COL4A2: variants seen among roughly 807,000 people sequenced by gnomAD.
COL4A2 encodes the protein collagen alpha-2(IV) chain.
COL4A2 carries 99 observed loss-of-function variants against 200.2 expected under a neutral mutation model. The observed-to-expected ratio is 0.49, with a 90% CI of 0.42 to 0.58. The LOEUF is 0.58. COL4A2 is among the 20% of genes least tolerant of loss of function. The pLI, the probability that COL4A2 is intolerant of heterozygous loss-of-function variation, is 0.00. For synonymous variants in COL4A2, 897 were observed against 900.6 expected (o/e 1.00, Z 0.07); for missense variants, 1,950 against 2,314.1 (o/e 0.84, Z 3.23).
In COL4A2 at chr13:110,307,415, G is replaced by T. The variant is rs1219393647; in HGVS notation, c.-158G>T. 4.9e-6 allele frequency: 1 copy of T among 205,830 alleles called. No individual in the cohort carries two copies. The highest frequency in any genetic ancestry group is 6.0e-5 in the Admixed American group (1 of 16,686). 12.8% of individuals were successfully genotyped at this position (205,830 alleles called of 1,614,324 possible). On this transcript the variant is annotated 5_prime_UTR_variant, in exon 1 of 48. Coordinates refer to ENST00000360467, the MANE Select transcript of COL4A2 (RefSeq NM_001846.4). This position sits in a 1 kb window ranked among gnomAD's most constrained non-coding sequence, Gnocchi z 5.0. ...ACCGAAAGGGGCCGCCCGAGCCCCC[G>T]GGGCCGGCGCCCAGAGAGCCCAGCA...
intron 41 of COL4A2, among the ~76,000 whole-genome samples, chr13:110,502,167 G>A (rs933508650): frequency 9.2e-5 from 14 of 152,160 alleles, no homozygotes; most frequent in Admixed American, 6.5e-4. Context: ...GAAGTCACCC[G>A]TCAAACAAGT....
chr13:110,449,803 A>G lies in COL4A2; in HGVS notation c.1189+14A>G. ...TCGGAGATGGAGGTAATGTGGCTTC[A>G]TAATATCAACACCGGAGACCCAAAG... On this transcript the variant is annotated intron_variant, in intron 19 of 47. Transcript: ENST00000360467. The G allele has an allele frequency of 6.5e-7, 1 of 1,546,000 alleles. No homozygotes were observed. The highest frequency in any genetic ancestry group is 8.7e-7 in the Non-Finnish European group (1 of 1,146,090).
At chr13:110,460,765 G>A (rs1014629630) in intron 22 of COL4A2, among the ~76,000 whole-genome samples, 2 of 152,172 alleles carry the variant, frequency 1.3e-5, no homozygotes, top group Non-Finnish European at 2.9e-5. Context: ...ATCTGTACTG[G>A]TAGAGTGGCA....
At chr13:110,357,891 G>A (rs896516690) in intron 4 of COL4A2, among the ~76,000 whole-genome samples, 3 of 152,182 alleles carry the variant, frequency 2.0e-5, no homozygotes, top group Non-Finnish European at 4.4e-5. Context: ...TGCGGGACTT[G>A]GAAGTTGCTC....
intron 4 of COL4A2, among the ~76,000 whole-genome samples, chr13:110,422,670 AG>A: frequency 6.6e-6 from 1 of 152,312 alleles, no homozygotes; most frequent in South Asian, 2.1e-4. Context: ...TTGAGGGGAC[AG>A]GGGTCCCAAG....
intron 3 of COL4A2, among the ~76,000 whole-genome samples, chr13:110,336,019 C>T (rs548286490): frequency 6.6e-6 from 1 of 152,372 alleles, no homozygotes; most frequent in African/African-American, 2.4e-5. Context: ...CACTTCATTA[C>T]TTCTAACCCA....
At chr13:110,491,164 G>T in intron 36 of COL4A2, 69 bp from the exon 37 acceptor site, 1 of 1,046,590 alleles carries the variant, frequency 9.6e-7, no homozygotes, top group South Asian at 1.4e-5. Context: ...ACATCCTAGA[G>T]CCGGGGTTCC....
chr13:110,479,718 C>G (rs1158998481), intron 30 of COL4A2, among the ~76,000 whole-genome samples: 1 of 152,150 alleles, frequency 6.6e-6, no homozygotes, highest in Non-Finnish European at 1.5e-5. Flanking sequence ...GGCGGGAGGA[C>G]AGCTGTGGGC....
At position 110,482,503 on chromosome 13, in the gene COL4A2, T is replaced by G. The variant is rs1352692249; in HGVS notation, c.2759-13T>G. On this transcript the variant is annotated splice_polypyrimidine_tract_variant and intron_variant, in intron 31 of 47. Coordinates refer to ENST00000360467, the MANE Select transcript of COL4A2 (RefSeq NM_001846.4). ...TCATGTCTAACCCAGCACTTTTCTC[T>G]TTTCCTCTGAAGGAGATAGAGGCTC... is the stretch of plus-strand genomic sequence containing the variant. The G allele has an allele frequency of 2.5e-6, 4 of 1,612,816 alleles. No individual in the cohort carries two copies. In the South Asian group the frequency reaches 3.3e-5, roughly 13 times the overall value.
At chr13:110,376,747 CTGGCCCAGGGGCCCTACT>C (rs1193318269) in intron 4 of COL4A2, among the ~76,000 whole-genome samples, 1 of 152,142 alleles carries the variant, frequency 6.6e-6, no homozygotes, top group African/African-American at 2.4e-5. Flanking sequence ...ATGGTAGCTG[CTGGCCCAGGGGCCCTACT>C]TGTAATTCAA....
In COL4A2 at chr13:110,489,713, G is replaced by A. The variant is rs767723644; in HGVS notation, c.3274G>A (p.Asp1092Asn). ...GEIGATGDFGDIGDTINLPGR... is the reference protein window; with the variant it reads ...GEIGATGDFGNIGDTINLPGR... ...GCCGTCTTTTTTGCATGTAACAGGT[G>A]ACATCGGGGACACTATAAATTTACC... is the stretch of plus-strand genomic sequence containing the variant. The change falls in exon 36 of 48, where the codon GAC becomes AAC. Residue 1092 changes from aspartate to asparagine, a missense_variant and splice_region_variant. By Grantham distance (23) the Asp-to-Asn change is conservative. This residue lies in a region of COL4A2 where 1,385 missense variants were observed against 1,720.5 expected (regional missense o/e 0.80). Coordinates refer to ENST00000360467, the MANE Select transcript of COL4A2 (RefSeq NM_001846.4). The A allele has an allele frequency of 4.3e-6, 7 of 1,614,200 alleles. No homozygotes were observed. The South Asian group carries it at 7.7e-5, about 18-fold the overall frequency.
In COL4A2 at chr13:110,462,298, G is replaced by A. The variant is rs374304814; in HGVS notation, c.1690G>A (p.Val564Ile). 59 of 1,614,202 alleles carry A rather than the reference G, an allele frequency of 3.7e-5. No individual in the cohort carries two copies. The highest frequency in any genetic ancestry group is 2.5e-4 in the African/African-American group (19 of 75,066). The change falls in exon 24 of 48, where the codon GTC becomes ATC. Residue 564 changes from valine (V) to isoleucine (I), a missense_variant. By Grantham distance (29) the Val-to-Ile change is conservative. Transcript: ENST00000360467. ...TTKGERGQPG[V>I]PGVPGMKGDD... Reference sequence around the variant, plus strand: ...TCTAGGTGAGCGGGGACAGCCCGGCGTCCCAGGTGTGCCCGGGATGAAAGG... The same window carrying A: ...TCTAGGTGAGCGGGGACAGCCCGGCATCCCAGGTGTGCCCGGGATGAAAGG...
intron 4 of COL4A2, among the ~76,000 whole-genome samples, chr13:110,362,589 G>A (rs1877567415): frequency 6.6e-6 from 1 of 151,832 alleles, no homozygotes; most frequent in South Asian, 2.1e-4. Context: ...CCAAACTTCT[G>A]GGATTACAGG....
intron 33 of COL4A2, 48 bp from the exon 34 acceptor site, chr13:110,485,607 G>A (rs749413771): frequency 4.4e-5 from 64 of 1,463,852 alleles, no homozygotes; most frequent in Middle Eastern, 3.6e-4. Context: ...ACTGGAGGGC[G>A]GGTGCTGCGT....
At chr13:110,493,037 A>C (rs1218164349) in intron 38 of COL4A2, among the ~76,000 whole-genome samples, 174 bp from the exon 39 acceptor site, 1 of 151,688 alleles carries the variant, frequency 6.6e-6, no homozygotes, top group South Asian at 2.1e-4. Context: ...AATAACAATG[A>C]GTGACACCCC....
intron 3 of COL4A2, among the ~76,000 whole-genome samples, chr13:110,353,838 G>C (rs1250774101): frequency 6.6e-6 from 1 of 152,202 alleles, no homozygotes; most frequent in Non-Finnish European, 1.5e-5. Flanking sequence ...CCTTGGCGTG[G>C]AATGAGCAGG....
chr13:110,473,221 C>T, intron 29 of COL4A2, 71 bp downstream of exon 29: 1 of 1,418,378 alleles, frequency 7.1e-7, no homozygotes, highest in East Asian at 2.5e-5. Flanking sequence ...GACCCCAATC[C>T]CTTCCGGGGG....
rs374758798 is a variant in COL4A2, at chr13:110,310,349, C to T, written c.99+2226C>T. Among the ~76,000 whole-genome samples, 15 of 152,318 alleles carry T rather than the reference C, an allele frequency of 9.8e-5. No individual in the cohort carries two copies. In the East Asian group the frequency reaches 1.2e-3, roughly 12 times the overall value. On this transcript the variant is annotated intron_variant, in intron 3 of 47. Transcript: ENST00000360467. ...CATTCCAGGGTGGAGTCCGGGACTC[C>T]GCCTCCCCACATGATACCAGAATCT... is the stretch of plus-strand genomic sequence containing the variant.
intron 3 of COL4A2, among the ~76,000 whole-genome samples, chr13:110,339,338 A>G: frequency 6.6e-6 from 1 of 152,220 alleles, no homozygotes; most frequent in East Asian, 1.9e-4. Context: ...GATGGAGGGA[A>G]TCACTGGTGC....
Sources: allele counts gnomAD v4.1 joint callset (sites outside exome capture counted in the v4.1 genomes callset), GRCh38; gene constraint gnomAD v4.1.1; regional missense constraint gnomAD v4.1.1; non-coding constraint Gnocchi (gnomAD v3.1); transcripts MANE v1.5; gene names NCBI Gene and HGNC (gene_info 2026-07-23, HGNC 2026-07-21).